ACMSD: variants seen among roughly 807,000 people sequenced by gnomAD.
ACMSD encodes 2-amino-3-carboxymuconate-6-semialdehyde decarboxylase.
Under a neutral mutation model 45.9 loss-of-function variants are expected in ACMSD, and 37 were observed. The ratio of observed to expected loss-of-function variants is 0.81; its 90% confidence interval spans 0.62 to 1.06. ACMSD has a LOEUF of 1.06. ACMSD is among the 50% of genes least tolerant of loss of function. The pLI is 0.00. For synonymous variants in ACMSD, 138 were observed against 148.8 expected, an observed-to-expected ratio of 0.93 and a Z score of 0.53; for missense variants, 434 against 420.9, an observed-to-expected ratio of 1.03 and a Z score of -0.27.
intron 8 of ACMSD, among the ~76,000 whole-genome samples, chr2:134,896,767 A>G (rs1214106084): frequency 6.6e-6 from 1 of 152,178 alleles, no homozygotes. Context: ...GACTCACCAT[A>G]TGCGCCAGCA....
rs760338573 is a variant in ACMSD at position 134,871,007 on chromosome 2, T to G, written c.623T>G (p.Met208Arg). Residue 208 changes from methionine (M) to arginine (R), a missense_variant, in exon 7 of 10, where the codon ATG becomes AGG. Met to Arg is a moderately conservative substitution (Grantham distance 91). Transcript: ENST00000356140. ...ETTIAICSMI[M>R]GGVFEKFPKL... ...ACCATAGCCATTTGCTCCATGATCA[T>G]GGGTGGAGTATTTGAGAAGTTTCCC... 1 of 1,614,168 alleles carries G rather than the reference T, an allele frequency of 6.2e-7. No homozygotes were observed. Among genetic ancestry groups the G allele is most frequent in the Admixed American group, 1.7e-5 (1 of 60,022 alleles).
chr2:134,863,368 C>T (rs776904567), intron 4 of ACMSD, 27 bp from the exon 5 acceptor site: 9 of 1,596,670 alleles, frequency 5.6e-6, no homozygotes, highest in South Asian at 3.3e-5. Context: ...TTCAACAATG[C>T]GGTTTTCCCT....
intron 8 of ACMSD, among the ~76,000 whole-genome samples, chr2:134,892,472 A>AATAT (rs1385062423): frequency 6.7e-6 from 1 of 148,864 alleles, no homozygotes; most frequent in Non-Finnish European, 1.5e-5. Context: ...AAAATAAATA[A>AATAT]ATAAATAAAT....
intron 9 of ACMSD, 77 bp from the exon 10 acceptor site, chr2:134,901,721 A>T (rs1170348867): frequency 9.6e-7 from 1 of 1,043,092 alleles, no homozygotes; most frequent in Admixed American, 2.9e-5. Context: ...TGATTTTTTT[A>T]AACCTGATCA....
At chr2:134,882,055 T>C (rs1689067555) in intron 8 of ACMSD, among the ~76,000 whole-genome samples, 2 of 152,080 alleles carry the variant, frequency 1.3e-5, no homozygotes, top group South Asian at 2.1e-4. Context: ...GAGGTGGAGA[T>C]TGCAGTGAGC....
rs1559049281 is a variant in ACMSD, at chr2:134,863,555, G to A, written c.410G>A (p.Gly137Asp). 1 of 1,614,204 alleles carries A rather than the reference G, an allele frequency of 6.2e-7. No individual in the cohort carries two copies. The highest frequency in any genetic ancestry group is 8.5e-7 in the Non-Finnish European group (1 of 1,180,010). The change falls in exon 5 of 10, where the codon GGC (glycine) becomes GAC (aspartate). Residue 137 changes from glycine (G) to aspartate (D), a missense_variant. By Grantham distance (94) the Gly-to-Asp change is moderately conservative. Transcript: ENST00000356140. ...KEMERCVKEL[G>D]FPGVQIGTHV... ...ATGGAGCGCTGTGTGAAAGAGCTGG[G>A]CTTTCCCGGGGTCCAAATTGGCACC...
rs1690303550 is a variant in ACMSD, at chr2:134,898,412, C to G, written c.921C>G (p.Ser307=). ...GELEPGKLIE[S]MEEFDEETKN... is the part of the protein sequence containing the mutation. ...TGGAACCTGGGAAACTAATAGAGTC[C>G]ATGGAAGAATTTGATGAAGAAACAA... The change falls in exon 9 of 10, where the codon TCC becomes TCG. Residue 307 remains serine (S), a synonymous_variant. Coordinates refer to ENST00000356140, the MANE Select transcript of ACMSD (RefSeq NM_138326.3). 1 of 1,597,018 alleles carries G rather than the reference C, an allele frequency of 6.3e-7. No homozygotes were observed. The highest frequency in any genetic ancestry group is 1.8e-5 in the Admixed American group (1 of 56,696).
At chr2:134,894,029 T>C (rs2104956496) in intron 8 of ACMSD, among the ~76,000 whole-genome samples, 1 of 152,216 alleles carries the variant, frequency 6.6e-6, no homozygotes, top group South Asian at 2.1e-4. Flanking sequence ...AGAAAGACCT[T>C]AATTCGGTGG....
chr2:134,851,437 T>C (rs546378750), intron 2 of ACMSD, among the ~76,000 whole-genome samples: 3 of 152,260 alleles, frequency 2.0e-5, no homozygotes, highest in East Asian at 3.9e-4. Flanking sequence ...ACCAACAGTG[T>C]AGAAGCATTC....
At chr2:134,862,930 C>A in intron 4 of ACMSD, 3 of 980,466 alleles carry the variant, frequency 3.1e-6, no homozygotes, top group Non-Finnish European at 3.6e-6. Context: ...ACAAGAAGGA[C>A]AGAGAGGAGG....
At chr2:134,885,841 T>G (rs891655770) in intron 8 of ACMSD, among the ~76,000 whole-genome samples, 3 of 152,134 alleles carry the variant, frequency 2.0e-5, no homozygotes, top group Non-Finnish European at 4.4e-5. Flanking sequence ...CATTACTCTA[T>G]TAGAAAATTG....
chr2:134,888,568 T>C (rs541229502), intron 8 of ACMSD, among the ~76,000 whole-genome samples: 59 of 152,120 alleles, frequency 3.9e-4, no homozygotes, highest in Non-Finnish European at 7.5e-4. Context: ...CTGGAAAAAG[T>C]GTTAAATGTC....
intron 6 of ACMSD, among the ~76,000 whole-genome samples, chr2:134,870,041 C>T (rs1467714056): frequency 6.6e-6 from 1 of 152,216 alleles, no homozygotes; most frequent in Non-Finnish European, 1.5e-5. Flanking sequence ...GGCGTCTCTG[C>T]CTGTGAAGCA....
intron 1 of ACMSD, among the ~76,000 whole-genome samples, chr2:134,842,401 C>A (rs183574116): frequency 6.6e-6 from 1 of 152,234 alleles, no homozygotes; most frequent in Non-Finnish European, 1.5e-5. Context: ...TTCTTCATGG[C>A]TCTCCTTAGT....
chr2:134,872,300 G>C (rs1048350103), intron 7 of ACMSD, among the ~76,000 whole-genome samples, 169 bp from the exon 8 acceptor site: 60 of 152,156 alleles, frequency 3.9e-4, no homozygotes, highest in Admixed American at 1.2e-3. Flanking sequence ...TGAATTTCTA[G>C]ATGAGTTAAT....
At chr2:134,861,820 G>T (rs1055225657) in intron 3 of ACMSD, 149 bp from the exon 4 acceptor site, 6 of 775,452 alleles carry the variant, frequency 7.7e-6, no homozygotes, top group Non-Finnish European at 1.4e-5. Flanking sequence ...GGGGCTGAGG[G>T]GGGTCCAGGG....
At chr2:134,849,550 A>C (rs981737156) in intron 2 of ACMSD, among the ~76,000 whole-genome samples, 6 of 152,186 alleles carry the variant, frequency 3.9e-5, no homozygotes, top group African/African-American at 1.4e-4. Context: ...TTAGTGAAGA[A>C]ATGTGTTCTG....
At chr2:134,855,504 T>C (rs1401283698) in intron 2 of ACMSD, among the ~76,000 whole-genome samples, 2 of 152,236 alleles carry the variant, frequency 1.3e-5, no homozygotes, top group Admixed American at 1.3e-4. Flanking sequence ...TATTTGGCCT[T>C]CTGCAGAAGA....
rs770410185 is a variant in ACMSD, at chr2:134,871,072, T to C, written c.676+12T>C. 9 of 1,607,916 alleles carry C rather than the reference T, an allele frequency of 5.6e-6. No homozygotes were observed. Among genetic ancestry groups the C allele is most frequent in the Admixed American group, 3.3e-5 (2 of 59,944 alleles). The stretch of plus-strand genomic sequence containing the variant: ...TTTCGCACATGGTGGTAAGACCCTA[T>C]CTTTATTAGTCAGCTCAGGCTGTCA... On this transcript the variant is annotated intron_variant, in intron 7 of 9. Coordinates refer to ENST00000356140, the MANE Select transcript of ACMSD (RefSeq NM_138326.3).
Sources: gnomAD v4.1 joint callset for allele counts (sites outside exome capture counted in the v4.1 genomes callset) on GRCh38, gnomAD v4.1.1 for gene constraint, MANE v1.5 for transcripts, NCBI Gene and HGNC (gene_info 2026-07-23, HGNC 2026-07-21) for gene names.